CTCF: variants seen among roughly 807,000 people sequenced by gnomAD.
The protein encoded by CTCF is transcriptional repressor CTCF.
In CTCF, 7 loss-of-function variants were observed where a neutral mutation model predicts 72.3. The observed-to-expected ratio is 0.10, with a 90% CI of 0.06 to 0.18. The LOEUF is 0.18. CTCF is among the 10% of genes least tolerant of loss of function. The pLI is 1.00. For missense variants in CTCF, 516 were observed against 949.1 expected (o/e 0.54, Z 6.00); for synonymous variants, 374 against 315.8 (o/e 1.18, Z -1.95).
chr16:67,598,223 TCTC>T (rs1266375127), intron 2 of CTCF, among the ~76,000 whole-genome samples: 2 of 152,044 alleles, frequency 1.3e-5, no homozygotes, highest in Non-Finnish European at 2.9e-5. Flanking sequence ...AGCAATCCAC[TCTC>T]CTCAGCCTCC....
At chr16:67,597,997 G>A (rs955377233) in intron 2 of CTCF, among the ~76,000 whole-genome samples, 2 of 151,710 alleles carry the variant, frequency 1.3e-5, no homozygotes, top group South Asian at 2.1e-4. Flanking sequence ...TTTTTTTTTA[G>A]ACCATGTCTC....
intron 2 of CTCF, among the ~76,000 whole-genome samples, chr16:67,587,058 A>G (rs1271315138): frequency 6.8e-6 from 1 of 147,970 alleles, no homozygotes; most frequent in African/African-American, 2.5e-5. Context: ...CTGGCCTGCT[A>G]CTTGCTAAAG....
At chr16:67,623,464 A>C (rs1446816822) in intron 7 of CTCF, 1 of 150,660 alleles carries the variant, frequency 6.6e-6, no homozygotes, top group Non-Finnish European at 1.5e-5. Context: ...AACATGGCAA[A>C]ACTCCATCTC....
intron 2 of CTCF, among the ~76,000 whole-genome samples, chr16:67,609,221 A>G (rs372409179): frequency 4.6e-5 from 7 of 152,302 alleles, no homozygotes; most frequent in East Asian, 3.9e-4. Flanking sequence ...AAGCTAATTC[A>G]TATATGCATC....
At chr16:67,624,041 C>G (rs1454839609) in intron 7 of CTCF, among the ~76,000 whole-genome samples, 2 of 128,946 alleles carry the variant, frequency 1.6e-5, no homozygotes, top group African/African-American at 6.4e-5. Context: ...GAGTGAGACA[C>G]TGTCTCAAAA....
At chr16:67,605,440 ATGT>A (rs1287081379) in intron 2 of CTCF, among the ~76,000 whole-genome samples, 6 of 152,150 alleles carry the variant, frequency 3.9e-5, no homozygotes, top group Non-Finnish European at 8.8e-5. Flanking sequence ...TTTGCATTGG[ATGT>A]TGTTGTATTT....
chr16:67,638,377 G>A lies in CTCF; in HGVS notation c.*505G>A, dbSNP rs1438178886. On this transcript the variant is annotated 3_prime_UTR_variant, in exon 12 of 12. Transcript: ENST00000264010. Reference sequence around the variant, plus strand: ...GCATGCTACGATCAGGTTCTGTCCTGAAAGCTTTGCCTCTTTCTTGGCAAA... The same window carrying A: ...GCATGCTACGATCAGGTTCTGTCCTAAAAGCTTTGCCTCTTTCTTGGCAAA... 5 of 226,746 alleles carry A rather than the reference G, an allele frequency of 2.2e-5. No homozygotes were observed. Among genetic ancestry groups the A allele is most frequent in the Non-Finnish European group, 3.5e-5 (4 of 114,006 alleles). The allele number at this position is 226,746 out of a possible 1,614,324, so 14.0% of individuals were successfully genotyped here. A position where few individuals can be genotyped will look rare whatever the true frequency, so the allele number is the denominator to read the frequency against.
At chr16:67,583,812 G>A (rs1335079661) in intron 2 of CTCF, among the ~76,000 whole-genome samples, 2 of 152,158 alleles carry the variant, frequency 1.3e-5, no homozygotes, top group East Asian at 3.8e-4. Flanking sequence ...CCTAATGGAG[G>A]GAGAAAAGGG....
chr16:67,601,243 TG>T (rs2051883023), intron 2 of CTCF, among the ~76,000 whole-genome samples: 1 of 148,124 alleles, frequency 6.8e-6, no homozygotes, highest in African/African-American at 2.5e-5. Flanking sequence ...TGTGTGTGTG[TG>T]TGTGTGTGTG....
chr16:67,631,810 C>T (rs971698672), intron 10 of CTCF, among the ~76,000 whole-genome samples: 3 of 151,242 alleles, frequency 2.0e-5, no homozygotes, highest in Non-Finnish European at 4.4e-5. Context: ...TGGTGGCTCA[C>T]GCCTGTAATC....
At chr16:67,596,898 A>T (rs918631043) in intron 2 of CTCF, among the ~76,000 whole-genome samples, 12 of 151,994 alleles carry the variant, frequency 7.9e-5, no homozygotes, top group Non-Finnish European at 1.8e-4. Flanking sequence ...GGAATTTTTA[A>T]TTTTATTTTA....
intron 1 of CTCF, among the ~76,000 whole-genome samples, chr16:67,569,417 C>G (rs1215919232): frequency 6.6e-6 from 1 of 151,852 alleles, no homozygotes; most frequent in Admixed American, 6.6e-5. Flanking sequence ...ATCTCTTGAC[C>G]TCGTGATCCG....
chr16:67,566,131 A>G (rs2051340392), intron 1 of CTCF, among the ~76,000 whole-genome samples: 1 of 152,178 alleles, frequency 6.6e-6, no homozygotes, highest in African/African-American at 2.4e-5. Context: ...CCCTCTTCAA[A>G]CAACTCAGAT....
intron 2 of CTCF, among the ~76,000 whole-genome samples, chr16:67,606,856 G>A (rs1466795521): frequency 6.7e-6 from 1 of 149,776 alleles, no homozygotes; most frequent in Non-Finnish European, 1.5e-5. Flanking sequence ...TCCGCCTCCA[G>A]GCTTCAAGCA....
At chr16:67,591,371 G>T (rs1388580049) in intron 2 of CTCF, among the ~76,000 whole-genome samples, 3 of 152,126 alleles carry the variant, frequency 2.0e-5, no homozygotes, top group Admixed American at 2.0e-4. Flanking sequence ...TCAGATAAAG[G>T]CTGCTTCCGT....
intron 8 of CTCF, chr16:67,627,778 C>G (rs2052310366): frequency 6.6e-6 from 1 of 152,496 alleles, no homozygotes; most frequent in African/African-American, 2.4e-5. Flanking sequence ...GAAACCCCGT[C>G]TGTACAAAAA....
intron 1 of CTCF, among the ~76,000 whole-genome samples, chr16:67,564,913 G>A (rs1447405232): frequency 1.3e-5 from 2 of 152,086 alleles, no homozygotes; most frequent in Non-Finnish European, 2.9e-5. Context: ...ATTCCCATAT[G>A]CCAGGAATCA....
Position 67,629,746 on chromosome 16 carries a change from CTTTTTTTTTTTTTTTTTTTTTTTTTTTTT to C in CTCF, c.1837+231_1837+259del, listed in dbSNP as rs71145978. Among the ~76,000 whole-genome samples the C allele has an allele frequency of 3.8e-3, 243 of 63,364 alleles. 2 individuals carry two copies. The highest frequency in any genetic ancestry group is 5.1e-3 in the Non-Finnish European group (174 of 34,120). The allele number at this position is 63,364 out of a possible 152,430, so 41.6% of individuals were successfully genotyped here. ...TCGTGGCATTCCGCTCATTAATGCC[CTTTTTTTTTTTTTTTTTTTTTTTTTTTTT>C]TTTTTTTTTTTTTTTTTGAGACGGA... is the stretch of plus-strand genomic sequence containing the variant. On this transcript the variant is annotated intron_variant, in intron 10 of 11. Coordinates refer to ENST00000264010, the MANE Select transcript of CTCF (RefSeq NM_006565.4).
intron 2 of CTCF, among the ~76,000 whole-genome samples, chr16:67,608,503 C>T (rs1219752265): frequency 1.3e-5 from 2 of 151,996 alleles, no homozygotes; most frequent in African/African-American, 4.8e-5. Context: ...AGTTTGGCTT[C>T]AAAAAACAAG....
Sources: allele counts gnomAD v4.1 joint callset (sites outside exome capture counted in the v4.1 genomes callset), GRCh38; gene constraint gnomAD v4.1.1; transcripts MANE v1.5; gene names NCBI Gene and HGNC (gene_info 2026-07-23, HGNC 2026-07-21).